Variants in SLC6A2 observed in about 807,000 individuals in gnomAD.
SLC6A2 encodes sodium-dependent noradrenaline transporter.
A neutral mutation model predicts 71.7 loss-of-function variants in SLC6A2; 26 were observed. That is an observed-to-expected ratio of 0.36 (90% CI 0.27 to 0.50). The LOEUF is 0.50. Among genes scored for constraint, SLC6A2 ranks in the 20% least tolerant of loss-of-function variants. SLC6A2 has a pLI of 0.96. For missense variants in SLC6A2, 581 were observed against 803.9 expected, an observed-to-expected ratio of 0.72 and a Z score of 3.35; for synonymous variants, 363 against 337.9, an observed-to-expected ratio of 1.07 and a Z score of -0.82.
Position 55,690,276 on chromosome 16 carries a change from A to T in SLC6A2, c.784-1642A>T, listed in dbSNP as rs1433606422. ...GATTCTGGGGATTCAGGTTTGAAAA[A>T]TATAGGATTTTACTTCTAAGGAGCT... On this transcript the variant is annotated intron_variant, in intron 5 of 14. Transcript: ENST00000568943. Among the ~76,000 whole-genome samples, 7 of 152,322 alleles carry T rather than the reference A, an allele frequency of 4.6e-5. No homozygotes were observed. In the East Asian group the frequency reaches 1.3e-3, roughly 29 times the overall value.
Position 55,702,411 on chromosome 16 carries a change from C to G in SLC6A2, c.*65C>G. On this transcript the variant is annotated 3_prime_UTR_variant, in exon 15 of 15. Coordinates refer to ENST00000568943, the MANE Select transcript of SLC6A2 (RefSeq NM_001172501.3). ...CCAGGTCACAGGCATCCGCTGCGCTCCCACCTCGGACACCATCTTGGGATT... is the reference window on the plus strand; with the variant it reads ...CCAGGTCACAGGCATCCGCTGCGCTGCCACCTCGGACACCATCTTGGGATT... 4 of 1,613,986 alleles carry G rather than the reference C, an allele frequency of 2.5e-6. No individual in the cohort carries two copies. Among genetic ancestry groups the G allele is most frequent in the Non-Finnish European group, 2.5e-6 (3 of 1,179,940 alleles).
intron 4 of SLC6A2, among the ~76,000 whole-genome samples, chr16:55,679,731 T>G (rs973992615): frequency 6.6e-6 from 1 of 152,180 alleles, no homozygotes; most frequent in African/African-American, 2.4e-5. Flanking sequence ...CCCAGAGCCA[T>G]GGATGCACCC....
rs368014534 is a variant in SLC6A2, at chr16:55,657,336, C to T, written c.274+368C>T. 7.9e-5 allele frequency among the ~76,000 whole-genome samples: 12 copies of T among 152,188 alleles called. No homozygotes were observed. The East Asian group carries it at 2.3e-3, about 30-fold the overall frequency. On this transcript the variant is annotated intron_variant, in intron 2 of 14. Transcript: ENST00000568943. ...TGGGGGAGCCTGACCTTTTGATGGTCTGCTGGAAGGGAGGTGGAGATTCCA... is the reference window on the plus strand; with the variant it reads ...TGGGGGAGCCTGACCTTTTGATGGTTTGCTGGAAGGGAGGTGGAGATTCCA...
At chr16:55,685,484 C>T (rs745544779) in intron 5 of SLC6A2, among the ~76,000 whole-genome samples, 8 of 152,148 alleles carry the variant, frequency 5.3e-5, no homozygotes, top group Non-Finnish European at 1.0e-4. Context: ...TGTGTCTCCA[C>T]CACAATAGGT....
At chr16:55,701,053 G>A (rs1965958572) in intron 13 of SLC6A2, among the ~76,000 whole-genome samples, 1 of 152,082 alleles carries the variant, frequency 6.6e-6, no homozygotes. Context: ...CCACTCACTT[G>A]GAAGGTATTT....
At chr16:55,701,779 G>A in intron 13 of SLC6A2, 84 bp from the exon 14 acceptor site, 1 of 910,024 alleles carries the variant, frequency 1.1e-6, no homozygotes, top group Non-Finnish European at 1.9e-6. Context: ...AATAGCAGGT[G>A]GCCCTCATCT....
At chr16:55,693,546 A>G (rs1022814029) in intron 6 of SLC6A2, among the ~76,000 whole-genome samples, 7 of 152,226 alleles carry the variant, frequency 4.6e-5, no homozygotes, top group Admixed American at 3.3e-4. Flanking sequence ...TTATCACCCA[A>G]CGGATTAAAT....
intron 2 of SLC6A2, among the ~76,000 whole-genome samples, chr16:55,661,169 A>G (rs144452982): frequency 1.2e-4 from 19 of 152,328 alleles, no homozygotes; most frequent in African/African-American, 4.6e-4. Context: ...AAGAGCAGGA[A>G]GATTGACTGG....
intron 5 of SLC6A2, 118 bp downstream of exon 5, chr16:55,685,399 C>T: frequency 9.0e-7 from 1 of 1,115,974 alleles, no homozygotes; most frequent in Non-Finnish European, 1.4e-6. Context: ...AAGTGCAAGG[C>T]CTGGGTTCAA....
Position 55,696,329 on chromosome 16 carries a change from G to T in SLC6A2, c.1252G>T (p.Asp418Tyr). The change falls in exon 9 of 15, where the codon GAC (aspartate) becomes TAC (tyrosine). Residue 418 changes from aspartate to tyrosine, a missense_variant. Physicochemically the swap from Asp to Tyr is radical, Grantham distance 160 (BLOSUM62 -3). Around this residue, in one of 5 missense-constraint regions of SLC6A2, gnomAD observed 334 missense variants for 449.0 expected, o/e 0.74. Transcript: ENST00000568943. ...FFVMLLALGL[D>Y]SSMGGMEAVI... The stretch of plus-strand genomic sequence containing the variant: ...CGTCATGCTCCTGGCGCTGGGCCTT[G>T]ACAGCTCAGTGAGTGACCCTGCTTA... 1 of 1,600,516 alleles carries T rather than the reference G, an allele frequency of 6.2e-7. No individual in the cohort carries two copies. The highest frequency in any genetic ancestry group is 1.1e-5 in the South Asian group (1 of 90,794).
At chr16:55,685,310 A>G (rs747675723) in intron 5 of SLC6A2, 29 bp downstream of exon 5, 15 of 1,609,396 alleles carry the variant, frequency 9.3e-6, no homozygotes, top group Admixed American at 1.7e-5. Flanking sequence ...TCTTTCACTT[A>G]CTTGGGTGAT....
chr16:55,700,399 C>A (rs1965938025), intron 13 of SLC6A2, 93 bp downstream of exon 13: 1 of 1,109,294 alleles, frequency 9.0e-7, no homozygotes, highest in Non-Finnish European at 1.3e-6. Context: ...GGGGAAGGGA[C>A]AGAAGGACAC....
rs6499773 is a variant in SLC6A2, at chr16:55,705,094, T to A, written c.*2748T>A. On this transcript the variant is annotated 3_prime_UTR_variant, in exon 15 of 15. Coordinates refer to ENST00000568943, the MANE Select transcript of SLC6A2 (RefSeq NM_001172501.3). ...ATATGACACTTGACGCTTTTGATATTTTTTCAGGTTTTTAAAGAATTATTA... is the reference window on the plus strand; with the variant it reads ...ATATGACACTTGACGCTTTTGATATATTTTCAGGTTTTTAAAGAATTATTA... The A allele has an allele frequency of 0.17, 141,146 of 830,432 alleles. 13,568 individuals carry two copies. The highest frequency in any genetic ancestry group is 0.34 in the African/African-American group (20,004 of 59,248). 51.4% of individuals were successfully genotyped at this position (830,432 alleles called of 1,614,324 possible).
Position 55,685,167 on chromosome 16 carries a change from G to A in SLC6A2, c.669G>A (p.Glu223=), listed in dbSNP as rs370103306. The change falls in exon 5 of 15, where the codon GAG becomes GAA. Residue 223 remains glutamate, a synonymous_variant. Transcript: ENST00000568943. ...GGCGTGGTGTCCTGCACCTTCACGA[G>A]AGCAGCGGGATTCATGACATCGGCC... ...FYERGVLHLH[E]SSGIHDIGLP... 6.2e-7 allele frequency: 1 copy of A among 1,614,192 alleles called. No homozygotes were observed.
intron 5 of SLC6A2, among the ~76,000 whole-genome samples, chr16:55,686,514 A>G (rs1965456648): frequency 6.6e-6 from 1 of 152,140 alleles, no homozygotes. Flanking sequence ...CACAGGTGTG[A>G]GTTCATTGGG....
Position 55,687,133 on chromosome 16 carries a change from C to G in SLC6A2, c.783+1852C>G, listed in dbSNP as rs36014. Among the ~76,000 whole-genome samples the G allele has an allele frequency of 2.9e-5, 3 of 103,610 alleles. No individual in the cohort carries two copies. In the East Asian group the frequency reaches 7.7e-4, roughly 27 times the overall value. 68.0% of individuals were successfully genotyped at this position (103,610 alleles called of 152,430 possible). Reference sequence around the variant, plus strand: ...ATCCAGAGAACATATGTGTGTGTCCCCATTTAATAAAAACCTGTGGTCACA... The same window carrying G: ...ATCCAGAGAACATATGTGTGTGTCCGCATTTAATAAAAACCTGTGGTCACA... On this transcript the variant is annotated intron_variant, in intron 5 of 14. Coordinates refer to ENST00000568943, the MANE Select transcript of SLC6A2 (RefSeq NM_001172501.3).
At chr16:55,702,076 G>C in intron 14 of SLC6A2, 142 bp downstream of exon 14, 1 of 793,526 alleles carries the variant, frequency 1.3e-6, no homozygotes, top group South Asian at 1.5e-5. Context: ...TGGAAACATC[G>C]GGATGGGGGA....
chr16:55,702,695 T>A lies in SLC6A2; in HGVS notation c.*349T>A. 8.5e-7 allele frequency: 1 copy of A among 1,173,978 alleles called. No homozygotes were observed. The highest frequency in any genetic ancestry group is 1.1e-6 in the Non-Finnish European group (1 of 946,938). 72.7% of individuals were successfully genotyped at this position (1,173,978 alleles called of 1,614,324 possible). A position where few individuals can be genotyped will look rare whatever the true frequency, so the allele number is the denominator to read the frequency against. ...TTGCCTAGACTTTGGGCACAGGAGT[T>A]CTTAGTCCACCAAATCAGAGAGAGG... On this transcript the variant is annotated 3_prime_UTR_variant, in exon 15 of 15. Coordinates refer to ENST00000568943, the MANE Select transcript of SLC6A2 (RefSeq NM_001172501.3).
chr16:55,669,157 A>C (rs1964834005), intron 2 of SLC6A2, among the ~76,000 whole-genome samples: 1 of 152,144 alleles, frequency 6.6e-6, no homozygotes, highest in South Asian at 2.1e-4. Flanking sequence ...TGCCTGTAAA[A>C]GGAAGGGTTT....
Sources: gnomAD v4.1 joint callset for allele counts (sites outside exome capture counted in the v4.1 genomes callset) on GRCh38, gnomAD v4.1.1 for gene constraint, gnomAD v4.1.1 regional missense constraint, MANE v1.5 for transcripts, NCBI Gene and HGNC (gene_info 2026-07-23, HGNC 2026-07-21) for gene names.